RB1: variants seen among roughly 807,000 people sequenced by gnomAD.
The protein encoded by RB1 is RB transcriptional corepressor 1, also known as retinoblastoma-associated protein.
A neutral mutation model predicts 135.4 loss-of-function variants in RB1; 18 were observed. That is an observed-to-expected ratio of 0.13 (90% CI 0.09 to 0.20). The LOEUF is 0.20. RB1 is among the 10% of genes least tolerant of loss of function. The pLI, the probability that RB1 is intolerant of heterozygous loss-of-function variation, is 1.00. For synonymous variants in RB1, 365 were observed against 373.2 expected, an observed-to-expected ratio of 0.98 and a Z score of 0.25; for missense variants, 868 against 1,110.0, an observed-to-expected ratio of 0.78 and a Z score of 3.10.
chr13:48,475,246 T>C (rs757660778), intron 24 of RB1, among the ~76,000 whole-genome samples: 1 of 152,170 alleles, frequency 6.6e-6, no homozygotes, highest in Non-Finnish European at 1.5e-5. Context: ...ACCCCCAAAC[T>C]TAGTGACTTA....
At chr13:48,372,487 G>A (rs1288260490) in intron 11 of RB1, among the ~76,000 whole-genome samples, 1 of 151,846 alleles carries the variant, frequency 6.6e-6, no homozygotes, top group Non-Finnish European at 1.5e-5. Context: ...GCAAAACCCC[G>A]TCTCTACTAA....
chr13:48,341,034 T>C (rs1366613413), intron 2 of RB1: 1 of 152,090 alleles, frequency 6.6e-6, no homozygotes, highest in Non-Finnish European at 1.5e-5. Context: ...ATAGAACTTT[T>C]TGATCACTCC....
intron 17 of RB1, among the ~76,000 whole-genome samples, chr13:48,402,053 C>A (rs1324547535): frequency 1.3e-5 from 2 of 151,586 alleles, no homozygotes; most frequent in Non-Finnish European, 2.9e-5. Context: ...TAGTTTTTTT[C>A]TTTTAAACAT....
chr13:48,336,892 G>C (rs368007190), intron 2 of RB1, among the ~76,000 whole-genome samples: 38 of 152,102 alleles, frequency 2.5e-4, no homozygotes, highest in African/African-American at 7.7e-4. Flanking sequence ...TCTTTGTTCT[G>C]ATTGGTTTCA....
rs1447391502 is a variant in RB1, at chr13:48,406,412, G to A, written c.1695+24969G>A. Reference sequence around the variant, plus strand: ...TCTCCCATTTTAATAAAGGAAAAAGGACAAATCAGAAAAAAAGGATAAGAA... The same window carrying A: ...TCTCCCATTTTAATAAAGGAAAAAGAACAAATCAGAAAAAAAGGATAAGAA... On this transcript the variant is annotated intron_variant, in intron 17 of 26. Coordinates refer to ENST00000267163, the MANE Select transcript of RB1 (RefSeq NM_000321.3). The A allele has an allele frequency of 3.3e-5, 5 of 151,990 alleles. No homozygotes were observed. In the East Asian group the frequency reaches 9.6e-4, roughly 29 times the overall value. 9.4% of individuals were successfully genotyped at this position (151,990 alleles called of 1,614,324 possible).
At chr13:48,378,632 A>G (rs1338834062) in intron 13 of RB1, among the ~76,000 whole-genome samples, 1 of 152,120 alleles carries the variant, frequency 6.6e-6, no homozygotes, top group Non-Finnish European at 1.5e-5. Context: ...AATAAAAAGT[A>G]TAGTATAATA....
intron 7 of RB1, 182 bp downstream of exon 7, chr13:48,360,309 A>G: frequency 1.5e-6 from 2 of 1,319,574 alleles, no homozygotes; most frequent in Non-Finnish European, 9.9e-7. Flanking sequence ...AAATGATTAG[A>G]GTATATGGTA....
chr13:48,454,770 A>C (rs976227249), intron 18 of RB1, among the ~76,000 whole-genome samples: 4 of 152,220 alleles, frequency 2.6e-5, no homozygotes, highest in African/African-American at 4.8e-5. Context: ...CTAGGCAAAA[A>C]CCTGCATGAT....
chr13:48,366,253 G>C (rs1272374617), intron 9 of RB1, among the ~76,000 whole-genome samples: 1 of 151,956 alleles, frequency 6.6e-6, no homozygotes, highest in African/African-American at 2.4e-5. Flanking sequence ...TCCTTTAAAA[G>C]GATTATAGTT....
At chr13:48,393,475 G>T (rs1241745837) in intron 17 of RB1, among the ~76,000 whole-genome samples, 1 of 152,080 alleles carries the variant, frequency 6.6e-6, no homozygotes, top group Non-Finnish European at 1.5e-5. Context: ...GTTCTGTACT[G>T]CCTGTTGTTT....
At chr13:48,339,905 A>G (rs2138079895) in intron 2 of RB1, among the ~76,000 whole-genome samples, 1 of 152,362 alleles carries the variant, frequency 6.6e-6, no homozygotes, top group South Asian at 2.1e-4. Context: ...AATGAACAAA[A>G]TATATGAAAC....
chr13:48,458,984 T>C, intron 19 of RB1, among the ~76,000 whole-genome samples: 1 of 152,182 alleles, frequency 6.6e-6, no homozygotes, highest in East Asian at 1.9e-4. Context: ...CTGGCAATTA[T>C]ATAATTTAAA....
chr13:48,477,297 A>G, intron 25 of RB1, 58 bp from the exon 26 acceptor site: 3 of 1,289,190 alleles, frequency 2.3e-6, no homozygotes, highest in Non-Finnish European at 3.4e-6. Flanking sequence ...GTTACTGGAA[A>G]TTTGAGTTTT....
chr13:48,415,951 T>G (rs1948901330), intron 17 of RB1: 1 of 152,212 alleles, frequency 6.6e-6, no homozygotes, highest in Admixed American at 6.5e-5. Flanking sequence ...AGTAACTACT[T>G]GCAAAGGGAG....
chr13:48,392,271 C>T (rs1034935954), intron 17 of RB1, among the ~76,000 whole-genome samples: 25 of 151,764 alleles, frequency 1.6e-4, no homozygotes, highest in African/African-American at 5.3e-4. Flanking sequence ...CCACCATGCC[C>T]GGCTAATTTT....
intron 17 of RB1, among the ~76,000 whole-genome samples, chr13:48,433,020 A>G (rs942692745): frequency 2.6e-5 from 4 of 152,112 alleles, no homozygotes; most frequent in African/African-American, 9.7e-5. Flanking sequence ...GTGCTCTTAG[A>G]TAAGAACTCT....
intron 9 of RB1, 41 bp from the exon 10 acceptor site, chr13:48,367,453 G>T: frequency 1.3e-6 from 2 of 1,584,152 alleles, no homozygotes; most frequent in South Asian, 1.1e-5. Context: ...GAGATGTAAT[G>T]ACATGTAAAG....
chr13:48,379,988 A>G (rs1435651296), intron 14 of RB1, 65 bp from the exon 15 acceptor site: 5 of 990,968 alleles, frequency 5.0e-6, no homozygotes, highest in Admixed American at 3.5e-5. Flanking sequence ...AAAAAATTCA[A>G]TGCTGACACA....
At chr13:48,361,552 G>A (rs976298929) in intron 7 of RB1, among the ~76,000 whole-genome samples, 2 of 151,956 alleles carry the variant, frequency 1.3e-5, no homozygotes, top group African/African-American at 2.4e-5. Context: ...TTTTTAAAAA[G>A]CATAATTACA....
Sources: allele counts gnomAD v4.1 joint callset (sites outside exome capture counted in the v4.1 genomes callset), GRCh38; gene constraint gnomAD v4.1.1; transcripts MANE v1.5; gene names NCBI Gene and HGNC (gene_info 2026-07-23, HGNC 2026-07-21).